The following ZBTB20 variants were observed in gnomAD, a reference collection of about 807,000 sequenced individuals.
ZBTB20 encodes the protein zinc finger and BTB domain-containing protein 20.
ZBTB20 carries 9 observed loss-of-function variants against 56.9 expected under a neutral mutation model. That is an observed-to-expected ratio of 0.16 (90% confidence interval 0.10 to 0.28). The LOEUF is 0.28. ZBTB20 is among the 10% of genes least tolerant of loss of function. The pLI, the probability that ZBTB20 is intolerant of heterozygous loss-of-function variation, is 1.00. For missense variants in ZBTB20, 655 were observed against 1,003.0 expected, an observed-to-expected ratio of 0.65 and a Z score of 4.69; for synonymous variants, 417 against 420.7, an observed-to-expected ratio of 0.99 and a Z score of 0.11.
intron 7 of ZBTB20, among the ~76,000 whole-genome samples, chr3:114,460,723 T>G (rs1254803717): frequency 6.6e-6 from 1 of 152,204 alleles, no homozygotes; most frequent in Non-Finnish European, 1.5e-5. Context: ...TTGTGGTAAT[T>G]TGTTATAACA....
chr3:114,776,396 A>G (rs1013591321), intron 5 of ZBTB20, among the ~76,000 whole-genome samples: 4 of 152,196 alleles, frequency 2.6e-5, no homozygotes, highest in African/African-American at 9.6e-5. Flanking sequence ...TGGACAGAAG[A>G]GGCCAACTTA....
intron 6 of ZBTB20, among the ~76,000 whole-genome samples, chr3:114,550,360 A>G (rs1438354588): frequency 6.6e-6 from 1 of 152,170 alleles, no homozygotes; most frequent in Non-Finnish European, 1.5e-5. Context: ...CACTTTTTCC[A>G]TAGTTTGGTT....
chr3:115,031,889 T>C (rs1389294665), intron 2 of ZBTB20, among the ~76,000 whole-genome samples: 7 of 151,360 alleles, frequency 4.6e-5, no homozygotes, highest in Admixed American at 6.6e-5. Flanking sequence ...ATGTAATAAG[T>C]TTTAGAGGTC....
intron 4 of ZBTB20, among the ~76,000 whole-genome samples, chr3:114,811,666 A>G (rs13077752): frequency 6.6e-6 from 1 of 152,254 alleles, no homozygotes; most frequent in Admixed American, 6.5e-5. Flanking sequence ...CAAAGTATTC[A>G]CCAAACTTCA....
At chr3:114,383,011 A>G (rs1343486203) in intron 8 of ZBTB20, among the ~76,000 whole-genome samples, 1 of 152,210 alleles carries the variant, frequency 6.6e-6, no homozygotes, top group Non-Finnish European at 1.5e-5. Context: ...TTGATTGTGG[A>G]CAGAATGAAA....
intron 7 of ZBTB20, among the ~76,000 whole-genome samples, chr3:114,428,552 G>A (rs1165958667): frequency 6.6e-6 from 1 of 152,178 alleles, no homozygotes; most frequent in Non-Finnish European, 1.5e-5. Context: ...CTCCTGTGGA[G>A]GTCTGGCTGC....
intron 6 of ZBTB20, among the ~76,000 whole-genome samples, chr3:114,562,396 C>A (rs2052186291): frequency 6.6e-6 from 1 of 152,112 alleles, no homozygotes; most frequent in African/African-American, 2.4e-5. Flanking sequence ...ATCTCTTGAC[C>A]TCATGATCCA....
At chr3:114,458,378 A>G (rs186245901) in intron 7 of ZBTB20, among the ~76,000 whole-genome samples, 11 of 152,328 alleles carry the variant, frequency 7.2e-5, no homozygotes, top group Admixed American at 1.3e-4. Flanking sequence ...TGATCAGTGT[A>G]TAGTAGCTAT....
intron 6 of ZBTB20, among the ~76,000 whole-genome samples, chr3:114,604,338 T>G (rs1488198193): frequency 1.3e-5 from 2 of 151,924 alleles, no homozygotes; most frequent in Non-Finnish European, 2.9e-5. Flanking sequence ...TTCACTTTTT[T>G]TGCATAAAAA....
intron 2 of ZBTB20, among the ~76,000 whole-genome samples, chr3:115,029,395 A>G (rs538931469): frequency 2.7e-5 from 4 of 150,854 alleles, no homozygotes; most frequent in Admixed American, 6.6e-5. Flanking sequence ...CTCTTATAAA[A>G]AATTGGTTAA....
rs1226464064 is a variant in ZBTB20, at chr3:114,650,951, A to C, written c.-295+42577T>G. 2.6e-5 allele frequency among the ~76,000 whole-genome samples: 4 copies of C among 152,194 alleles called. 1 individual carries two copies. On this transcript the variant is annotated intron_variant, in intron 6 of 11. Coordinates refer to ENST00000675478, the MANE Select transcript of ZBTB20 (RefSeq NM_001348800.3). ...TTGATAAAACTGAGGTCAAGTTTCT[A>C]AAAATACAACTTGTTAAAAGCAGGA...
At position 115,134,000 on chromosome 3, in the gene ZBTB20, G is replaced by A. The variant is rs545523858; in HGVS notation, c.-703+13219C>T. Among the ~76,000 whole-genome samples, 147 of 152,110 alleles carry A rather than the reference G, an allele frequency of 9.7e-4. 1 individual carries two copies. The highest frequency in any genetic ancestry group is 3.3e-3 in the African/African-American group (137 of 41,492). On this transcript the variant is annotated intron_variant, in intron 1 of 11. Coordinates refer to ENST00000675478, the MANE Select transcript of ZBTB20 (RefSeq NM_001348800.3). ...AGAACCAGCCTTTAGATTTATTTCG[G>A]GTTTTACTATATGGTTTTTCTATTT...
At chr3:114,451,425 G>A (rs6438208) in intron 7 of ZBTB20, among the ~76,000 whole-genome samples, 56,854 of 151,836 alleles carry the variant, frequency 0.37, 11,988 homozygotes, top group African/African-American at 0.54. Flanking sequence ...AGCCTCATGT[G>A]TTAATGGATG....
intron 6 of ZBTB20, among the ~76,000 whole-genome samples, chr3:114,510,832 T>C (rs567516700): frequency 6.6e-6 from 1 of 152,206 alleles, no homozygotes; most frequent in Non-Finnish European, 1.5e-5. Flanking sequence ...ACATCCGATC[T>C]TACAGGGGGT....
At chr3:114,524,068 G>A (rs1335812116) in intron 6 of ZBTB20, among the ~76,000 whole-genome samples, 1 of 152,172 alleles carries the variant, frequency 6.6e-6, no homozygotes, top group Non-Finnish European at 1.5e-5. Context: ...GTCAGAGAAG[G>A]TCAATGGTGT....
intron 7 of ZBTB20, among the ~76,000 whole-genome samples, chr3:114,435,829 T>TAAC (rs765089969): frequency 3.3e-5 from 5 of 152,138 alleles, no homozygotes; most frequent in Non-Finnish European, 7.4e-5. Context: ...TATTCCTACA[T>TAAC]AACAATGTGC....
intron 6 of ZBTB20, among the ~76,000 whole-genome samples, chr3:114,617,110 T>G (rs188820353): frequency 2.0e-4 from 31 of 152,316 alleles, no homozygotes. Context: ...AGGGTGATCT[T>G]GTATCACACA....
rs186279408 is a variant in ZBTB20, at chr3:114,983,826, T to C, written c.-506-9410A>G. On this transcript the variant is annotated intron_variant, in intron 2 of 11. Coordinates refer to ENST00000675478, the MANE Select transcript of ZBTB20 (RefSeq NM_001348800.3). The stretch of plus-strand genomic sequence containing the variant: ...TAAATGCTTAGAAATTTTCCATACG[T>C]TTGTTATAGACCTCTTGTTATTTTC... 4.0e-3 allele frequency among the ~76,000 whole-genome samples: 602 copies of C among 152,150 alleles called. 3 individuals are homozygous for C. Among genetic ancestry groups the C allele is most frequent in the African/African-American group, 0.014 (573 of 41,552 alleles).
chr3:114,472,935 G>A (rs528360036), intron 7 of ZBTB20, among the ~76,000 whole-genome samples: 2 of 152,304 alleles, frequency 1.3e-5, no homozygotes, highest in South Asian at 4.2e-4. Flanking sequence ...CTCACCTGTT[G>A]GACTGGAATC....
Sources: gnomAD v4.1 joint callset for allele counts (sites outside exome capture counted in the v4.1 genomes callset) on GRCh38, gnomAD v4.1.1 for gene constraint, MANE v1.5 for transcripts, NCBI Gene and HGNC (gene_info 2026-07-23, HGNC 2026-07-21) for gene names.